Variants in ERBIN observed in about 807,000 individuals in gnomAD.
ERBIN encodes densin-180-like protein.
Under a neutral mutation model 158.4 loss-of-function variants are expected in ERBIN, and 60 were observed. The observed-to-expected ratio is 0.38, with a 90% CI of 0.31 to 0.47. The LOEUF (loss-of-function observed/expected upper bound fraction) is 0.47, where lower values mean the gene tolerates loss of function less well. Among genes scored for constraint, ERBIN ranks in the 20% least tolerant of loss-of-function variants. The probability of loss-of-function intolerance (pLI) is 0.99; values close to 1 mark genes in which losing one functional copy is unlikely to be tolerated. For synonymous variants in ERBIN, 594 were observed against 557.2 expected (o/e 1.07, Z -0.93); for missense variants, 1,610 against 1,648.0 (o/e 0.98, Z 0.40).
chr5:65,995,313 C>T (rs985209126), intron 4 of ERBIN, among the ~76,000 whole-genome samples: 22 of 152,070 alleles, frequency 1.4e-4, no homozygotes, highest in African/African-American at 5.1e-4. Context: ...CCCCTGGTAA[C>T]CACCATGCTA....
chr5:66,056,838 A>G (rs1340819586), intron 21 of ERBIN, among the ~76,000 whole-genome samples: 1 of 145,742 alleles, frequency 6.9e-6, no homozygotes, highest in Non-Finnish European at 1.5e-5. Context: ...CTAGTTGACT[A>G]CACTGTAGTA....
intron 1 of ERBIN, among the ~76,000 whole-genome samples, chr5:65,928,482 TTAA>T (rs1458205191): frequency 1.7e-4 from 26 of 152,228 alleles, no homozygotes; most frequent in Middle Eastern, 3.2e-3. Context: ...CAACAAAACC[TTAA>T]TAGAGCAAGT....
In ERBIN at chr5:66,011,941, T is replaced by C. The variant is rs867497209; in HGVS notation, c.308-108T>C. The stretch of plus-strand genomic sequence containing the variant: ...GATGTTGTCAGTTCATCTAGTTCCT[T>C]GTTAATTGGTATATTACTTTAGAAT... On this transcript the variant is annotated intron_variant, in intron 4 of 25. Coordinates refer to ENST00000284037, the MANE Select transcript of ERBIN (RefSeq NM_001253697.2). 8.2e-5 allele frequency: 48 copies of C among 583,810 alleles called. 1 individual carries two copies. The Middle Eastern group carries it at 4.8e-3, about 58-fold the overall frequency. 36.2% of individuals were successfully genotyped at this position (583,810 alleles called of 1,614,324 possible).
At chr5:65,994,602 G>C in intron 3 of ERBIN, 145 bp from the exon 4 acceptor site, 1 of 547,276 alleles carries the variant, frequency 1.8e-6, no homozygotes, top group Non-Finnish European at 3.2e-6. Context: ...ATCCATAATA[G>C]CATAACCAGA....
At chr5:66,062,296 C>T (rs553692486) in intron 21 of ERBIN, among the ~76,000 whole-genome samples, 245 of 152,294 alleles carry the variant, frequency 1.6e-3, no homozygotes, top group African/African-American at 5.6e-3. Flanking sequence ...TTCATTTCGT[C>T]TTCCATCGCT....
chr5:65,962,762 T>C (rs1244371537), intron 1 of ERBIN, among the ~76,000 whole-genome samples: 1 of 152,214 alleles, frequency 6.6e-6, no homozygotes, highest in East Asian at 1.9e-4. Context: ...ATACTCTCTG[T>C]GTAACTATGC....
In ERBIN at chr5:66,081,510, AGAT is replaced by A; in HGVS notation, c.*2983_*2985del. 6.6e-6 allele frequency: 1 copy of A among 152,284 alleles called. No homozygotes were observed. The highest frequency in any genetic ancestry group is 2.4e-5 in the African/African-American group (1 of 41,584). The allele number at this position is 152,284 out of a possible 1,614,324, so 9.4% of individuals were successfully genotyped here. On this transcript the variant is annotated 3_prime_UTR_variant, in exon 26 of 26. Coordinates refer to ENST00000284037, the MANE Select transcript of ERBIN (RefSeq NM_001253697.2). ...TCATTCCAAATTTTTGTATATATCT[AGAT>A]GAAGTAACACATAGAGGATAGATAA... is the stretch of plus-strand genomic sequence containing the variant.
intron 4 of ERBIN, among the ~76,000 whole-genome samples, chr5:66,010,251 G>A (rs1430687966): frequency 1.3e-5 from 2 of 151,974 alleles, no homozygotes; most frequent in Non-Finnish European, 2.9e-5. Flanking sequence ...GGATTCGTTT[G>A]GTGCTTACTT....
chr5:66,025,831 C>T lies in ERBIN; in HGVS notation c.891-17C>T. 1 of 1,354,600 alleles carries T rather than the reference C, an allele frequency of 7.4e-7. No individual in the cohort carries two copies. The highest frequency in any genetic ancestry group is 9.8e-7 in the Non-Finnish European group (1 of 1,017,312). The allele number at this position is 1,354,600 out of a possible 1,614,324, so 83.9% of individuals were successfully genotyped here. A position where few individuals can be genotyped will look rare whatever the true frequency, so the allele number is the denominator to read the frequency against. On this transcript the variant is annotated splice_polypyrimidine_tract_variant and intron_variant, in intron 11 of 25. Coordinates refer to ENST00000284037, the MANE Select transcript of ERBIN (RefSeq NM_001253697.2). ...AATCTTTAACAAATAATATATATTT[C>T]TTTTTTTAAATTAAAGGTTAATATC...
At chr5:66,061,049 TG>T (rs1204064024) in intron 21 of ERBIN, among the ~76,000 whole-genome samples, 1 of 152,176 alleles carries the variant, frequency 6.6e-6, no homozygotes, top group Non-Finnish European at 1.5e-5. Context: ...GTTCTGTAGA[TG>T]TCTGTTAGGT....
chr5:66,013,703 C>A, intron 6 of ERBIN, 65 bp downstream of exon 6: 1 of 1,072,602 alleles, frequency 9.3e-7, no homozygotes, highest in Non-Finnish European at 1.4e-6. Context: ...AAACTATAAG[C>A]TGCTTTGGTA....
chr5:66,011,249 C>T (rs367784291), intron 4 of ERBIN, among the ~76,000 whole-genome samples: 26 of 152,264 alleles, frequency 1.7e-4, no homozygotes, highest in African/African-American at 6.3e-4. Context: ...GAAAATGTTT[C>T]ATTATCTTAG....
At chr5:66,045,343 A>G (rs770553990) in intron 17 of ERBIN, among the ~76,000 whole-genome samples, 1 of 152,150 alleles carries the variant, frequency 6.6e-6, no homozygotes, top group Admixed American at 6.5e-5. Context: ...AGAATTGCCT[A>G]TAGTGTTCAG....
At chr5:66,043,522 C>G (rs577215216) in intron 16 of ERBIN, among the ~76,000 whole-genome samples, 13 of 152,204 alleles carry the variant, frequency 8.5e-5, no homozygotes, top group African/African-American at 3.1e-4. Flanking sequence ...TCTCCCCCCA[C>G]CATATTCGTA....
At chr5:65,928,704 C>T (rs1324301206) in intron 1 of ERBIN, among the ~76,000 whole-genome samples, 1 of 151,852 alleles carries the variant, frequency 6.6e-6, no homozygotes, top group African/African-American at 2.4e-5. Context: ...TCTTTTTTTT[C>T]TCCTCAACAA....
At chr5:66,038,541 A>G in intron 15 of ERBIN, 59 bp downstream of exon 15, 1 of 1,297,486 alleles carries the variant, frequency 7.7e-7, no homozygotes, top group East Asian at 2.4e-5. Flanking sequence ...AAAGGTGTGA[A>G]GTGAACTTTA....
intron 3 of ERBIN, among the ~76,000 whole-genome samples, chr5:65,994,047 T>C (rs1752170013): frequency 6.6e-6 from 1 of 152,174 alleles, no homozygotes; most frequent in Non-Finnish European, 1.5e-5. Flanking sequence ...AGTAAGAACA[T>C]TTTGAAAGCC....
intron 1 of ERBIN, among the ~76,000 whole-genome samples, chr5:65,977,826 A>C (rs1007388497): frequency 1.3e-5 from 2 of 152,220 alleles, no homozygotes; most frequent in South Asian, 2.1e-4. Context: ...TGGAGGTTGT[A>C]GCGAGCCGAG....
At position 66,054,228 on chromosome 5, in the gene ERBIN, A is replaced by G; in HGVS notation, c.2910A>G (p.Gln970=). 4 of 1,614,146 alleles carry G rather than the reference A, an allele frequency of 2.5e-6. No homozygotes were observed. Among genetic ancestry groups the G allele is most frequent in the Non-Finnish European group, 3.4e-6 (4 of 1,180,016 alleles). Residue 970 remains glutamine (Q), a synonymous_variant, in exon 21 of 26, where the codon CAA becomes CAG. Transcript: ENST00000284037. ...CAAGTGGCCCACAATCTGCACCTCA[A>G]ATATATGGTCCTCCACAGTATAATA... The part of the protein sequence containing the change: ...GPTSGPQSAP[Q]IYGPPQYNIQ...
Sources: allele counts gnomAD v4.1 joint callset (sites outside exome capture counted in the v4.1 genomes callset), GRCh38; gene constraint gnomAD v4.1.1; transcripts MANE v1.5; gene names NCBI Gene and HGNC (gene_info 2026-07-23, HGNC 2026-07-21).